Variants in NID1 observed in about 807,000 individuals in gnomAD.
NID1 encodes nidogen-1.
Under a neutral mutation model 130.6 loss-of-function variants are expected in NID1, and 76 were observed. The observed-to-expected ratio is 0.58, with a 90% CI of 0.48 to 0.70. The LOEUF (loss-of-function observed/expected upper bound fraction) is 0.70, where lower values mean the gene tolerates loss of function less well. NID1 is among the 30% of genes least tolerant of loss of function. NID1 has a pLI of 0.00. For missense variants in NID1, 1,517 were observed against 1,664.8 expected, an observed-to-expected ratio of 0.91 and a Z score of 1.54; for synonymous variants, 665 against 675.1, an observed-to-expected ratio of 0.98 and a Z score of 0.23.
intron 6 of NID1, among the ~76,000 whole-genome samples, chr1:236,030,216 T>G (rs1238011405): frequency 6.6e-6 from 1 of 152,158 alleles, no homozygotes; most frequent in Non-Finnish European, 1.5e-5. Flanking sequence ...GGTGAGTTGC[T>G]CGTGGCAAAC....
chr1:236,015,927 G>A (rs547300400), intron 10 of NID1, among the ~76,000 whole-genome samples: 1 of 152,242 alleles, frequency 6.6e-6, no homozygotes, highest in South Asian at 2.1e-4. Flanking sequence ...CATCAGGAAT[G>A]ACTGGATCCA....
chr1:236,064,663 G>T, intron 1 of NID1, 192 bp downstream of exon 1: 1 of 633,566 alleles, frequency 1.6e-6, no homozygotes, highest in East Asian at 3.5e-5. Flanking sequence ...CCCGCTCTTC[G>T]GATAGCAGGG....
chr1:235,982,038 G>A (rs1355739463), intron 15 of NID1, among the ~76,000 whole-genome samples: 4 of 152,160 alleles, frequency 2.6e-5, no homozygotes, highest in East Asian at 3.9e-4. Context: ...TGACTAAGCC[G>A]AGGCCCAGTT....
chr1:236,012,840 G>T (rs548242015), intron 11 of NID1, among the ~76,000 whole-genome samples: 97 of 152,248 alleles, frequency 6.4e-4, no homozygotes, highest in African/African-American at 2.3e-3. Context: ...TTAAGTAATT[G>T]TGCAAACCAA....
At chr1:236,001,666 C>G (rs1658079672) in intron 12 of NID1, among the ~76,000 whole-genome samples, 1 of 152,164 alleles carries the variant, frequency 6.6e-6, no homozygotes, top group Non-Finnish European at 1.5e-5. Context: ...CCAACATTTA[C>G]CCCCATTCTC....
Position 235,981,726 on chromosome 1 carries a change from T to C in NID1, c.3112A>G (p.Thr1038Ala), listed in dbSNP as rs1657441815. Residue 1038 changes from threonine to alanine, a missense_variant, in exon 16 of 20, where the codon ACA (threonine) becomes GCA (alanine). Thr to Ala is a moderately conservative substitution (Grantham distance 58). Coordinates refer to ENST00000264187, the MANE Select transcript of NID1 (RefSeq NM_002508.3). Reference protein sequence around the residue: ...VDHLGRNIFWTDSNLDRIEVA... With the variant: ...VDHLGRNIFWADSNLDRIEVA... Reference sequence around the variant, plus strand: ...TCTATTCGATCCAGGTTAGAGTCTGTCCAGAAGATGTTGCGGCCAAGGTGA... The same window carrying C: ...TCTATTCGATCCAGGTTAGAGTCTGCCCAGAAGATGTTGCGGCCAAGGTGA... 1.2e-6 allele frequency: 2 copies of C among 1,614,162 alleles called. No homozygotes were observed. The highest frequency in any genetic ancestry group is 1.7e-6 in the Non-Finnish European group (2 of 1,180,010).
chr1:236,046,337 T>C (rs1212706147), intron 2 of NID1, among the ~76,000 whole-genome samples: 2 of 152,052 alleles, frequency 1.3e-5, no homozygotes, highest in African/African-American at 4.8e-5. Flanking sequence ...CCCAGCACTT[T>C]GGGAAGGCTG....
chr1:236,034,607 A>G (rs1659199007), intron 5 of NID1, among the ~76,000 whole-genome samples: 1 of 152,184 alleles, frequency 6.6e-6, no homozygotes, highest in South Asian at 2.1e-4. Context: ...AAAGACAGAA[A>G]GTAGGTGAGG....
At chr1:236,043,773 G>T (rs1251710237) in intron 3 of NID1, among the ~76,000 whole-genome samples, 2 of 152,006 alleles carry the variant, frequency 1.3e-5, no homozygotes, top group African/African-American at 2.4e-5. Flanking sequence ...ACTCCAGCCT[G>T]GGCGACAGAG....
rs199575708 is a variant in NID1 at position 235,994,699 on chromosome 1, T to TC, written c.2528-828dup. Among the ~76,000 whole-genome samples the TC allele has an allele frequency of 8.3e-3, 847 of 102,260 alleles. 8 individuals carry two copies. Among genetic ancestry groups the TC allele is most frequent in the African/African-American group, 0.023 (761 of 32,860 alleles). The allele number at this position is 102,260 out of a possible 152,430, so 67.1% of individuals were successfully genotyped here. ...TTTATCATCTCAAACTTCTTCTTCT[T>TC]CTTTTTTTTTTTTTTGAGACGGAGT... is the stretch of plus-strand genomic sequence containing the variant. On this transcript the variant is annotated intron_variant, in intron 12 of 19. Transcript: ENST00000264187.
chr1:236,062,463 C>T (rs11587465), intron 1 of NID1, among the ~76,000 whole-genome samples: 59,819 of 151,674 alleles, frequency 0.39, 12,490 homozygotes, highest in East Asian at 0.68. Flanking sequence ...GGAGAAACCC[C>T]GCCTCTACTA....
intron 9 of NID1, among the ~76,000 whole-genome samples, chr1:236,023,428 G>A (rs1274025063): frequency 6.6e-6 from 1 of 152,182 alleles, no homozygotes; most frequent in African/African-American, 2.4e-5. Flanking sequence ...GAGACAGAAA[G>A]TGGAATGGTG....
intron 6 of NID1, among the ~76,000 whole-genome samples, chr1:236,030,499 A>G (rs974265121): frequency 6.6e-5 from 10 of 152,242 alleles, no homozygotes; most frequent in African/African-American, 2.4e-4. Flanking sequence ...ATTTCATGGT[A>G]TGTGAAAATT....
chr1:236,006,539 G>T (rs1658253657), intron 12 of NID1, among the ~76,000 whole-genome samples: 1 of 152,140 alleles, frequency 6.6e-6, no homozygotes, highest in Non-Finnish European at 1.5e-5. Context: ...CTAAAGGCAT[G>T]GGTTCTTCAA....
chr1:236,014,227 C>A (rs1271379877), intron 10 of NID1, among the ~76,000 whole-genome samples: 20 of 139,768 alleles, frequency 1.4e-4, no homozygotes, highest in African/African-American at 5.2e-4. Context: ...TCAACTCTCT[C>A]TCTCTCTTTC....
chr1:236,003,598 G>A (rs561110446), intron 12 of NID1, among the ~76,000 whole-genome samples: 127 of 152,222 alleles, frequency 8.3e-4, no homozygotes, highest in Non-Finnish European at 1.3e-3. Context: ...GGCCAGGCAC[G>A]ATGGCTCACA....
At position 235,979,864 on chromosome 1, in the gene NID1, A is replaced by G. The variant is rs1304968820; in HGVS notation, c.3467T>C (p.Val1156Ala). 52 of 1,614,060 alleles carry G rather than the reference A, an allele frequency of 3.2e-5. No individual in the cohort carries two copies. Among genetic ancestry groups the G allele is most frequent in the Non-Finnish European group, 4.3e-5 (51 of 1,179,994 alleles). ...ATACAGATTCTTCCCGTAGCTCGTCACAGCAAAAGGATACTGGAGCCCTTC... is the reference window on the plus strand; with the variant it reads ...ATACAGATTCTTCCCGTAGCTCGTCGCAGCAAAAGGATACTGGAGCCCTTC... ...ALEGLQYPFAVTSYGKNLYFT... is the reference protein window; with the variant it reads ...ALEGLQYPFAATSYGKNLYFT... Residue 1156 changes from valine (V) to alanine (A), a missense_variant, in exon 18 of 20, where the codon GTG (valine) becomes GCG (alanine). By Grantham distance (64) the Val-to-Ala change is moderately conservative. This residue lies in a region of NID1 where 181 missense variants were observed against 211.3 expected (regional missense o/e 0.86). Transcript: ENST00000264187. This position sits in a 1 kb window ranked among gnomAD's most constrained non-coding sequence, Gnocchi z 4.6.
intron 12 of NID1, among the ~76,000 whole-genome samples, chr1:236,004,364 T>C (rs549326148): frequency 6.6e-6 from 1 of 152,284 alleles, no homozygotes; most frequent in South Asian, 2.1e-4. Context: ...GCAGAGCATC[T>C]CACAGTGTGG....
In NID1 at chr1:235,975,841, A is replaced by T. The variant is rs4660135; in HGVS notation, c.*2026T>A. On this transcript the variant is annotated 3_prime_UTR_variant, in exon 20 of 20. Transcript: ENST00000264187. ...AAGATAGAGGAAGATTTTCTTTTTT[A>T]AAAAAAGTTTATTTTCCACACTATT... 33,154 of 152,456 alleles carry T rather than the reference A, an allele frequency of 0.22. 4,236 individuals are homozygous for T. Among genetic ancestry groups the T allele is most frequent in the East Asian group, 0.62 (3,210 of 5,166 alleles). The allele number at this position is 152,456 out of a possible 1,614,324, so 9.4% of individuals were successfully genotyped here. A position where few individuals can be genotyped will look rare whatever the true frequency, so the allele number is the denominator to read the frequency against.
Sources: gnomAD v4.1 joint callset for allele counts (sites outside exome capture counted in the v4.1 genomes callset) on GRCh38, gnomAD v4.1.1 for gene constraint, gnomAD v4.1.1 regional missense constraint, Gnocchi (gnomAD v3.1) non-coding constraint, MANE v1.5 for transcripts, NCBI Gene and HGNC (gene_info 2026-07-23, HGNC 2026-07-21) for gene names.